The following PIEZO1 variants were observed in gnomAD, a reference collection of about 807,000 sequenced individuals.
The protein encoded by PIEZO1 is piezo type mechanosensitive ion channel component 1 (Er blood group), also known as piezo-type mechanosensitive ion channel component 1.
In PIEZO1, 296 loss-of-function variants were observed where a neutral mutation model predicts 297.2. The observed-to-expected ratio is 1.00, with a 90% CI of 0.91 to 1.10. The LOEUF is 1.10. PIEZO1 is among the 50% of genes least tolerant of loss of function. The pLI is 0.00. For missense variants in PIEZO1, 5,018 were observed against 3,455.5 expected, an observed-to-expected ratio of 1.45 and a Z score of -11.34; for synonymous variants, 2,427 against 1,507.5, an observed-to-expected ratio of 1.61 and a Z score of -14.13.
At chr16:88,748,749 T>C (rs1281701250) in intron 2 of PIEZO1, among the ~76,000 whole-genome samples, 1 of 151,974 alleles carries the variant, frequency 6.6e-6, no homozygotes, top group Non-Finnish European at 1.5e-5. Context: ...ATTCTGAGCT[T>C]AGCTTGGGGT....
chr16:88,720,612 T>G lies in PIEZO1; in HGVS notation c.5801+4A>C. 7.2e-7 allele frequency: 1 copy of G among 1,380,634 alleles called. No individual in the cohort carries two copies. Among genetic ancestry groups the G allele is most frequent in the East Asian group, 3.4e-5 (1 of 29,616 alleles). The allele number at this position is 1,380,634 out of a possible 1,614,324, so 85.5% of individuals were successfully genotyped here. A position where few individuals can be genotyped will look rare whatever the true frequency, so the allele number is the denominator to read the frequency against. ...CCCAGCTGCCCCCGGCCGCCATCACTCACAGGGACAGGCAGAAGCCCTGCA... is the reference window on the plus strand; with the variant it reads ...CCCAGCTGCCCCCGGCCGCCATCACGCACAGGGACAGGCAGAAGCCCTGCA... On this transcript the variant is annotated splice_donor_region_variant and intron_variant, in intron 40 of 50. Transcript: ENST00000301015.
chr16:88,717,571 A>AAAACT (rs754891623), intron 44 of PIEZO1: 3 of 482,898 alleles, frequency 6.2e-6, no homozygotes, highest in Non-Finnish European at 1.2e-5. Context: ...CTTCAGAGCT[A>AAAACT]AAACTATAGA....
rs910428092 is a variant in PIEZO1, at chr16:88,772,950, C to T, written c.64+11951G>A. Among the ~76,000 whole-genome samples the T allele has an allele frequency of 3.9e-5, 6 of 152,336 alleles. No homozygotes were observed. In the East Asian group the frequency reaches 5.8e-4, roughly 15 times the overall value. The stretch of plus-strand genomic sequence containing the variant: ...CTCCCCTCCAAACACCCACGGGACA[C>T]GTGAGTGGAGGCACATGGCTTCCAG... On this transcript the variant is annotated intron_variant, in intron 1 of 50. Coordinates refer to ENST00000301015, the MANE Select transcript of PIEZO1 (RefSeq NM_001142864.4).
chr16:88,773,300 G>T (rs544135541), intron 1 of PIEZO1, among the ~76,000 whole-genome samples: 1 of 152,268 alleles, frequency 6.6e-6, no homozygotes. Flanking sequence ...CAGCCAACGA[G>T]GGACCCCCTG....
chr16:88,719,362 C>T (rs534154219), intron 44 of PIEZO1: 40 of 572,852 alleles, frequency 7.0e-5, no homozygotes, highest in Middle Eastern at 4.7e-4. Context: ...GGACCAACTC[C>T]GCTGCCCACT....
chr16:88,743,165 A>G, intron 2 of PIEZO1: 1 of 455,684 alleles, frequency 2.2e-6, no homozygotes, highest in Non-Finnish European at 4.4e-6. Flanking sequence ...GCCCCCCAGC[A>G]GGGAGGCCTT....
rs1227541334 is a variant in PIEZO1 at position 88,772,549 on chromosome 16, G to A, written c.64+12352C>T. ...TAATCCCAGCACTTTGGGAGGCCGA[G>A]GCAAGCAGATCACGAGGTCAACAGA... is the stretch of plus-strand genomic sequence containing the variant. On this transcript the variant is annotated intron_variant, in intron 1 of 50. Transcript: ENST00000301015. 2.0e-5 allele frequency among the ~76,000 whole-genome samples: 3 copies of A among 152,082 alleles called. No individual in the cohort carries two copies. In the South Asian group the frequency reaches 6.2e-4, roughly 32 times the overall value.
At chr16:88,776,709 CAG>C (rs1907681909) in intron 1 of PIEZO1, among the ~76,000 whole-genome samples, 1 of 152,212 alleles carries the variant, frequency 6.6e-6, no homozygotes, top group African/African-American at 2.4e-5. Context: ...GGAGTGACCG[CAG>C]AAGGGCCAGG....
chr16:88,736,718 G>C lies in PIEZO1; in HGVS notation c.1217C>G (p.Pro406Arg), dbSNP rs1017340209. The change falls in exon 11 of 51, where the codon CCC (proline) becomes CGC (arginine). Residue 406 changes from proline to arginine, a missense_variant. Physicochemically the swap from Pro to Arg is moderately radical, Grantham distance 103. Coordinates refer to ENST00000301015, the MANE Select transcript of PIEZO1 (RefSeq NM_001142864.4). The part of the protein sequence containing the change: ...RRPVRPKRAE[P>R]REASPLHSLG... The stretch of plus-strand genomic sequence containing the variant: ...GCTGTGGAGCGGAGACGCCTCCCTG[G>C]GCTCAGCCCGCTTGGGCCGCACTGC... 2 of 1,531,454 alleles carry C rather than the reference G, an allele frequency of 1.3e-6. No individual in the cohort carries two copies. Among genetic ancestry groups the C allele is most frequent in the Admixed American group, 2.0e-5 (1 of 50,644 alleles). The allele number at this position is 1,531,454 out of a possible 1,614,324, so 94.9% of individuals were successfully genotyped here.
rs765908242 is a variant in PIEZO1, at chr16:88,722,310, A to T, written c.4863T>A (p.Ser1621Arg). Reference protein sequence around the residue: ...LSTGYHTRSGSEEAVTDPGER... With the variant: ...LSTGYHTRSGREEAVTDPGER... ...CCCCGGGGTCGGTGACTGCCTCCTC[A>T]CTGCCACTGCGCGTGTGGTAGCCGG... The change falls in exon 36 of 51, where the codon AGT becomes AGA. Residue 1621 changes from serine to arginine, a missense_variant. Physicochemically the swap from Ser to Arg is moderately radical, Grantham distance 110. Transcript: ENST00000301015. The T allele has an allele frequency of 7.8e-6, 12 of 1,547,402 alleles. 1 individual carries two copies. In the South Asian group the frequency reaches 1.4e-4, roughly 18 times the overall value.
chr16:88,737,479 C>T, intron 10 of PIEZO1, 80 bp downstream of exon 10: 1 of 983,380 alleles, frequency 1.0e-6, no homozygotes, highest in Non-Finnish European at 1.5e-6. Context: ...TGCGAGAGCG[C>T]CAGGCGGCCA....
At chr16:88,754,601 G>C (rs947501684) in intron 1 of PIEZO1, among the ~76,000 whole-genome samples, 1 of 152,210 alleles carries the variant, frequency 6.6e-6, no homozygotes, top group African/African-American at 2.4e-5. Flanking sequence ...CTGAAGGACT[G>C]TCACAGGGAG....
chr16:88,741,301 G>C, intron 5 of PIEZO1, 177 bp downstream of exon 5: 1 of 601,378 alleles, frequency 1.7e-6, no homozygotes, highest in Non-Finnish European at 2.9e-6. Flanking sequence ...GGTCTGAACG[G>C]ATGGAACTGC....
rs754261447 is a variant in PIEZO1 at position 88,731,955 on chromosome 16, G to GGAGGGCGGGGTGT, written c.2992-46_2992-45insACACCCCGCCCTC. ...GGGTGTGGGGATGCACTGAGTCTGG[G>GGAGGGCGGGGTGT]GGGAGGGACTTTCTTGTCCCACCCA... On this transcript the variant is annotated intron_variant, in intron 21 of 50. Transcript: ENST00000301015. The GGAGGGCGGGGTGT allele has an allele frequency of 1.1e-3, 342 of 299,196 alleles. 3 individuals carry two copies. Among genetic ancestry groups the GGAGGGCGGGGTGT allele is most frequent in the Non-Finnish European group, 1.3e-3 (204 of 155,080 alleles). The allele number at this position is 299,196 out of a possible 1,614,324, so 18.5% of individuals were successfully genotyped here.
intron 1 of PIEZO1, among the ~76,000 whole-genome samples, chr16:88,759,782 C>T (rs1037385666): frequency 6.6e-6 from 1 of 152,186 alleles, no homozygotes; most frequent in South Asian, 2.1e-4. Context: ...CCAGACGCCC[C>T]GTGCAGCGTT....
chr16:88,755,197 G>T (rs533276065), intron 1 of PIEZO1, among the ~76,000 whole-genome samples: 1 of 152,348 alleles, frequency 6.6e-6, no homozygotes, highest in East Asian at 1.9e-4. Flanking sequence ...GGGATGCGGC[G>T]AACAGCCGCC....
At chr16:88,760,189 G>A (rs1353052035) in intron 1 of PIEZO1, among the ~76,000 whole-genome samples, 3 of 152,122 alleles carry the variant, frequency 2.0e-5, no homozygotes, top group African/African-American at 4.8e-5. Flanking sequence ...GACCCCGGCC[G>A]TGGCTACAGA....
chr16:88,726,590 G>C lies in PIEZO1; in HGVS notation c.3753C>G (p.Ile1251Met). Residue 1251 changes from isoleucine to methionine, a missense_variant, in exon 26 of 51, where the codon ATC becomes ATG. Ile to Met is a conservative substitution (Grantham distance 10, BLOSUM62 1). Coordinates refer to ENST00000301015, the MANE Select transcript of PIEZO1 (RefSeq NM_001142864.4). ...EQMQTGFCWV[I>M]QLFSLVCTVK... ...CGGTGCATACAAGGCTGAAGAGCTG[G>C]ATGACCCAGCAGAAGCCGGTCTGCA... 6.5e-7 allele frequency: 1 copy of C among 1,548,358 alleles called. No homozygotes were observed. The highest frequency in any genetic ancestry group is 8.7e-7 in the Non-Finnish European group (1 of 1,145,976).
chr16:88,770,181 G>A (rs772294764), intron 1 of PIEZO1, among the ~76,000 whole-genome samples: 3 of 152,058 alleles, frequency 2.0e-5, no homozygotes, highest in Non-Finnish European at 2.9e-5. Context: ...TCGGTCTGTC[G>A]GGACAGAACC....
Sources: gnomAD v4.1 joint callset for allele counts (sites outside exome capture counted in the v4.1 genomes callset) on GRCh38, gnomAD v4.1.1 for gene constraint, MANE v1.5 for transcripts, NCBI Gene and HGNC (gene_info 2026-07-23, HGNC 2026-07-21) for gene names.